NRP1: variants seen among roughly 807,000 people sequenced by gnomAD.
NRP1 encodes the protein neuropilin 1.
NRP1 carries 35 observed loss-of-function variants against 106.7 expected under a neutral mutation model. That is an observed-to-expected ratio of 0.33 (90% CI 0.25 to 0.43). NRP1 has a LOEUF of 0.43. Ranked by LOEUF, NRP1 falls within the 20% of genes least tolerant of loss-of-function variation. The probability of loss-of-function intolerance (pLI) is 1.00; values close to 1 mark genes in which losing one functional copy is unlikely to be tolerated. For synonymous variants in NRP1, 437 were observed against 417.9 expected, an observed-to-expected ratio of 1.05 and a Z score of -0.56; for missense variants, 1,024 against 1,170.4, an observed-to-expected ratio of 0.87 and a Z score of 1.83.
rs376390429 is a variant in NRP1 at position 33,213,539 on chromosome 10, T to C, written c.1461A>G (p.Ile487Met). The change falls in exon 9 of 17, where the codon ATA (isoleucine) becomes ATG (methionine). Residue 487 changes from isoleucine (I) to methionine (M), a missense_variant. This residue lies in a region of NRP1 where 562 missense variants were observed against 620.3 expected (regional missense o/e 0.91). Coordinates refer to ENST00000374867, the MANE Select transcript of NRP1 (RefSeq NM_003873.7). ...PHSYINEWLQ[I>M]DLGEEKIVRG... is the part of the protein sequence containing the mutation. ...TCACGATCTTCTCCTCCCCCAGGTCTATTTGGAGCCACTCATTGATGTAGG... is the reference window on the plus strand; with the variant it reads ...TCACGATCTTCTCCTCCCCCAGGTCCATTTGGAGCCACTCATTGATGTAGG... The C allele has an allele frequency of 7.4e-6, 12 of 1,613,940 alleles. No homozygotes were observed. The African/African-American group carries it at 1.6e-4, about 22-fold the overall frequency.
intron 9 of NRP1, chr10:33,213,097 G>C: frequency 1.4e-6 from 1 of 740,580 alleles, no homozygotes; most frequent in Non-Finnish European, 2.2e-6. Context: ...GATGGCTGCT[G>C]TCAGCCTTGG....
intron 1 of NRP1, among the ~76,000 whole-genome samples, chr10:33,331,621 A>G (rs866412235): frequency 6.6e-6 from 1 of 152,226 alleles, no homozygotes; most frequent in South Asian, 2.1e-4. Flanking sequence ...ATAACCCACC[A>G]CACAGGTCTG....
rs1837391898 is a variant in NRP1, at chr10:33,202,442, C to G, written c.1864+449G>C. The G allele has an allele frequency of 6.6e-6, 4 of 603,700 alleles. No individual in the cohort carries two copies. In the South Asian group the frequency reaches 1.4e-4, roughly 21 times the overall value. The allele number at this position is 603,700 out of a possible 1,614,324, so 37.4% of individuals were successfully genotyped here. The stretch of plus-strand genomic sequence containing the variant: ...AAATCCCAACTTAAAAGCCGCACTT[C>G]AAATATAAGCCTAACTTTATCCATT... On this transcript the variant is annotated intron_variant, in intron 11 of 16. Coordinates refer to ENST00000374867, the MANE Select transcript of NRP1 (RefSeq NM_003873.7).
chr10:33,245,634 G>A (rs1841362896), intron 6 of NRP1, among the ~76,000 whole-genome samples: 2 of 152,222 alleles, frequency 1.3e-5, no homozygotes, highest in South Asian at 4.1e-4. Flanking sequence ...TGTTACAATG[G>A]AGTAGGAGCA....
intron 8 of NRP1, among the ~76,000 whole-genome samples, chr10:33,216,395 A>G (rs1838776436): frequency 6.6e-6 from 1 of 151,622 alleles, no homozygotes; most frequent in Non-Finnish European, 1.5e-5. Flanking sequence ...CGGCCTCCCA[A>G]AGTGCTGGGA....
chr10:33,313,907 C>T (rs1846801837), intron 2 of NRP1, among the ~76,000 whole-genome samples: 1 of 152,202 alleles, frequency 6.6e-6, no homozygotes, highest in East Asian at 1.9e-4. Flanking sequence ...AATGGAAATG[C>T]AAACGTTTAT....
At chr10:33,193,816 A>G (rs1588695638) in intron 12 of NRP1, among the ~76,000 whole-genome samples, 1 of 152,164 alleles carries the variant, frequency 6.6e-6, no homozygotes, top group African/African-American at 2.4e-5. Context: ...TTTACTTTGC[A>G]TTTTTAGTTT....
chr10:33,314,040 CTCTT>C (rs938220346), intron 2 of NRP1, among the ~76,000 whole-genome samples: 6 of 146,370 alleles, frequency 4.1e-5, no homozygotes, highest in Admixed American at 6.9e-5. Context: ...CTTTCTCTCT[CTCTT>C]TCTTTCTTTC....
intron 9 of NRP1, among the ~76,000 whole-genome samples, chr10:33,211,057 TA>T (rs767339300): frequency 5.9e-5 from 9 of 152,350 alleles, no homozygotes; most frequent in Admixed American, 3.9e-4. Flanking sequence ...ATTTTAGAAA[TA>T]AACCCTAACA....
rs752803831 is a variant in NRP1, at chr10:33,330,872, G to A, written c.84C>T (p.Gly28=). 2.1e-5 allele frequency: 33 copies of A among 1,601,844 alleles called. No individual in the cohort carries two copies. Among genetic ancestry groups the A allele is most frequent in the South Asian group, 5.6e-5 (5 of 89,794 alleles). ...CGGGGCTTTCAATTTTTATAGTATCGCCACATTTATCTGCAATGAAAGTAA... is the reference window on the plus strand; with the variant it reads ...CGGGGCTTTCAATTTTTATAGTATCACCACATTTATCTGCAATGAAAGTAA... ...PAGAFRNDKC[G]DTIKIESPGY... The change falls in exon 2 of 17, where the codon GGC becomes GGT. Residue 28 remains glycine (G), a synonymous_variant. Coordinates refer to ENST00000374867, the MANE Select transcript of NRP1 (RefSeq NM_003873.7).
chr10:33,215,174 T>C (rs1838658085), intron 8 of NRP1, among the ~76,000 whole-genome samples: 1 of 152,160 alleles, frequency 6.6e-6, no homozygotes, highest in African/African-American at 2.4e-5. Context: ...TGACAATACA[T>C]CTCAGTTAAG....
At chr10:33,195,406 C>T (rs1836708716) in intron 12 of NRP1, 1 of 435,856 alleles carries the variant, frequency 2.3e-6, no homozygotes, top group Non-Finnish European at 4.6e-6. Flanking sequence ...CATCTGATTA[C>T]ATAAAAGTAT....
chr10:33,202,823 C>CGGGGG, intron 11 of NRP1, 68 bp downstream of exon 11: 1 of 1,613,744 alleles, frequency 6.2e-7, no homozygotes, highest in South Asian at 1.1e-5. Flanking sequence ...CACACACAGG[C>CGGGGG]GTTAGCTGGT....
chr10:33,215,951 T>C (rs1160001336), intron 8 of NRP1, among the ~76,000 whole-genome samples: 1 of 152,168 alleles, frequency 6.6e-6, no homozygotes, highest in Non-Finnish European at 1.5e-5. Flanking sequence ...GGAGCTTTCT[T>C]TCTGTTCCCT....
chr10:33,324,623 C>CAAGGAA (rs1775310281), intron 2 of NRP1, among the ~76,000 whole-genome samples: 1 of 152,156 alleles, frequency 6.6e-6, no homozygotes, highest in East Asian at 1.9e-4. Context: ...TGTCTATGTT[C>CAAGGAA]AAGGATAGTA....
chr10:33,319,378 C>T (rs193160320), intron 2 of NRP1, among the ~76,000 whole-genome samples: 13 of 152,088 alleles, frequency 8.5e-5, no homozygotes, highest in South Asian at 2.1e-4. Flanking sequence ...CACCAATCAG[C>T]GCTCTGTAGC....
chr10:33,276,263 TAAAAC>T (rs2133338912), intron 2 of NRP1, among the ~76,000 whole-genome samples: 1 of 152,286 alleles, frequency 6.6e-6, no homozygotes, highest in Admixed American at 6.5e-5. Flanking sequence ...CATTTGTTGA[TAAAAC>T]AACAACAACA....
At chr10:33,225,343 C>T (rs1188917239) in intron 7 of NRP1, among the ~76,000 whole-genome samples, 3 of 152,216 alleles carry the variant, frequency 2.0e-5, no homozygotes, top group Non-Finnish European at 4.4e-5. Flanking sequence ...TCTTCCCAAG[C>T]CCATCATTGC....
intron 2 of NRP1, among the ~76,000 whole-genome samples, chr10:33,321,974 C>G (rs755773517): frequency 6.6e-6 from 1 of 152,226 alleles, no homozygotes; most frequent in Non-Finnish European, 1.5e-5. Context: ...GAAAACTCTT[C>G]CATTTCTCCT....
Sources: allele counts gnomAD v4.1 joint callset (sites outside exome capture counted in the v4.1 genomes callset), GRCh38; gene constraint gnomAD v4.1.1; regional missense constraint gnomAD v4.1.1; transcripts MANE v1.5; gene names NCBI Gene and HGNC (gene_info 2026-07-23, HGNC 2026-07-21).